The following CEP70 variants were observed in gnomAD, a reference collection of about 807,000 sequenced individuals.
The protein encoded by CEP70 is centrosomal protein 70, also known as centrosomal protein of 70 kDa.
Under a neutral mutation model 90.9 loss-of-function variants are expected in CEP70, and 70 were observed. That is an observed-to-expected ratio of 0.77 (90% CI 0.64 to 0.94). The LOEUF (loss-of-function observed/expected upper bound fraction) is 0.94, where lower values mean the gene tolerates loss of function less well. CEP70 is among the 40% of genes least tolerant of loss of function. CEP70 has a pLI of 0.00. For missense variants in CEP70, 648 were observed against 669.0 expected, an observed-to-expected ratio of 0.97 and a Z score of 0.35; for synonymous variants, 220 against 228.3, an observed-to-expected ratio of 0.96 and a Z score of 0.33.
intron 6 of CEP70, 143 bp downstream of exon 6, chr3:138,570,175 C>A: frequency 1.8e-6 from 1 of 543,156 alleles, no homozygotes; most frequent in Non-Finnish European, 3.2e-6. Context: ...ATTCTAGAAA[C>A]CAAGTGAAGA....
intron 11 of CEP70, among the ~76,000 whole-genome samples, chr3:138,521,218 C>A (rs2036588144): frequency 6.6e-6 from 1 of 152,212 alleles, no homozygotes; most frequent in Non-Finnish European, 1.5e-5. Context: ...GCAGCCTCTG[C>A]CCGGCCACCA....
At chr3:138,575,946 A>G (rs537870760) in intron 2 of CEP70, among the ~76,000 whole-genome samples, 61 of 152,356 alleles carry the variant, frequency 4.0e-4, no homozygotes, top group African/African-American at 1.4e-3. Flanking sequence ...GAGCTCCTGA[A>G]GGAAGCACTA....
chr3:138,544,357 CAAA>C (rs59364039), intron 6 of CEP70, among the ~76,000 whole-genome samples: 3 of 136,032 alleles, frequency 2.2e-5, no homozygotes, highest in Admixed American at 7.6e-5. Flanking sequence ...ACTCAAAAGA[CAAA>C]AAAAAAAAAA....
intron 2 of CEP70, among the ~76,000 whole-genome samples, chr3:138,591,137 A>T (rs1021399866): frequency 1.3e-5 from 2 of 152,168 alleles, no homozygotes; most frequent in African/African-American, 2.4e-5. Context: ...AATGCTCCAA[A>T]ATCCAAAACT....
intron 10 of CEP70, among the ~76,000 whole-genome samples, chr3:138,526,361 A>T (rs1319358988): frequency 2.5e-5 from 3 of 118,950 alleles, no homozygotes; most frequent in Non-Finnish European, 5.4e-5. Context: ...ACAGGGTTTC[A>T]CCAAGTTGGC....
chr3:138,573,380 T>TAAAAAAA (rs561753739), intron 2 of CEP70, among the ~76,000 whole-genome samples: 2 of 118,728 alleles, frequency 1.7e-5, no homozygotes, highest in African/African-American at 3.1e-5. Flanking sequence ...TGGGATACAG[T>TAAAAAAA]AAAAAAAAAA....
rs1250350195 is a variant in CEP70 at position 138,572,852 on chromosome 3, A to C, written c.69+7T>G. On this transcript the variant is annotated splice_region_variant and intron_variant, in intron 3 of 17. Coordinates refer to ENST00000264982, the MANE Select transcript of CEP70 (RefSeq NM_024491.4). ...AGAAGCAGTGTCTTAAAATATTTTA[A>C]GTTTACCTGTTTTTCAGTCATGAGT... 1 of 1,567,682 alleles carries C rather than the reference A, an allele frequency of 6.4e-7. No individual in the cohort carries two copies. Among genetic ancestry groups the C allele is most frequent in the Admixed American group, 1.7e-5 (1 of 59,780 alleles).
intron 2 of CEP70, among the ~76,000 whole-genome samples, chr3:138,586,997 G>C (rs1216111739): frequency 6.6e-6 from 1 of 151,634 alleles, no homozygotes; most frequent in Admixed American, 6.6e-5. Flanking sequence ...AATTGTAAAA[G>C]TTCATATTAA....
intron 11 of CEP70, among the ~76,000 whole-genome samples, chr3:138,520,807 C>T (rs1024978706): frequency 1.5e-4 from 23 of 152,000 alleles, no homozygotes; most frequent in African/African-American, 5.6e-4. Context: ...TTTTCACGGT[C>T]TCCCCCTCTC....
chr3:138,529,832 A>G (rs943778216), intron 8 of CEP70, among the ~76,000 whole-genome samples: 2 of 152,220 alleles, frequency 1.3e-5, no homozygotes, highest in African/African-American at 4.8e-5. Context: ...CATTCTCCAC[A>G]TACTATTTTT....
At chr3:138,524,206 C>G (rs2036975298) in intron 11 of CEP70, among the ~76,000 whole-genome samples, 1 of 151,642 alleles carries the variant, frequency 6.6e-6, no homozygotes, top group East Asian at 1.9e-4. Flanking sequence ...CTTCCTTACA[C>G]CTTATACAAA....
At chr3:138,587,683 G>A (rs1242840559) in intron 2 of CEP70, among the ~76,000 whole-genome samples, 2 of 151,872 alleles carry the variant, frequency 1.3e-5, no homozygotes, top group Non-Finnish European at 2.9e-5. Context: ...AGGTGGCTGA[G>A]GTGGGAAGAC....
At chr3:138,534,703 A>C (rs1004278427) in intron 7 of CEP70, among the ~76,000 whole-genome samples, 5 of 152,098 alleles carry the variant, frequency 3.3e-5, no homozygotes, top group Non-Finnish European at 5.9e-5. Flanking sequence ...CTCTATATGG[A>C]CTTTGGAAGT....
intron 13 of CEP70, among the ~76,000 whole-genome samples, chr3:138,501,430 C>T (rs2034500182): frequency 1.3e-5 from 2 of 152,128 alleles, no homozygotes; most frequent in Admixed American, 6.5e-5. Context: ...ACTAAGAGTC[C>T]TTCCTTCCCC....
chr3:138,566,983 C>T (rs1001306298), intron 6 of CEP70, among the ~76,000 whole-genome samples: 1 of 152,096 alleles, frequency 6.6e-6, no homozygotes, highest in African/African-American at 2.4e-5. Flanking sequence ...TGTCCATCAA[C>T]AGATGAATGG....
chr3:138,525,162 G>A (rs2037086823), intron 11 of CEP70, among the ~76,000 whole-genome samples: 1 of 151,794 alleles, frequency 6.6e-6, no homozygotes, highest in Non-Finnish European at 1.5e-5. Flanking sequence ...ACTATCGCAA[G>A]GACAAAAAAC....
At chr3:138,553,943 T>C (rs1009430517) in intron 6 of CEP70, among the ~76,000 whole-genome samples, 1 of 152,116 alleles carries the variant, frequency 6.6e-6, no homozygotes, top group Admixed American at 6.5e-5. Flanking sequence ...ACACCTGTAA[T>C]CCCAACACTT....
chr3:138,533,600 C>A (rs2038011897), intron 7 of CEP70, among the ~76,000 whole-genome samples: 1 of 152,020 alleles, frequency 6.6e-6, no homozygotes. Flanking sequence ...CACAACAATA[C>A]ACAAAGAAGA....
In CEP70 at chr3:138,571,194, T is replaced by C. The variant is rs143853564; in HGVS notation, c.161-37A>G. 1,042 of 1,552,578 alleles carry C rather than the reference T, an allele frequency of 6.7e-4. 6 individuals are homozygous for C. Among genetic ancestry groups the C allele is most frequent in the Non-Finnish European group, 3.9e-4 (451 of 1,148,392 alleles). Reference sequence around the variant, plus strand: ...AAGTATATAATACAGATAGTAAAAATAAAAGGCAAAAAAAATTTTTTAAGG... The same window carrying C: ...AAGTATATAATACAGATAGTAAAAACAAAAGGCAAAAAAAATTTTTTAAGG... On this transcript the variant is annotated intron_variant, in intron 4 of 17. Coordinates refer to ENST00000264982, the MANE Select transcript of CEP70 (RefSeq NM_024491.4).
Sources: allele counts gnomAD v4.1 joint callset (sites outside exome capture counted in the v4.1 genomes callset), GRCh38; gene constraint gnomAD v4.1.1; transcripts MANE v1.5; gene names NCBI Gene and HGNC (gene_info 2026-07-23, HGNC 2026-07-21).